The following DSCAML1 variants were observed in gnomAD, a reference collection of about 807,000 sequenced individuals.
DSCAML1 encodes DS cell adhesion molecule like 1, also known as cell adhesion molecule DSCAML1.
Under a neutral mutation model 200.5 loss-of-function variants are expected in DSCAML1, and 38 were observed. The observed-to-expected ratio is 0.19, with a 90% CI of 0.15 to 0.25. DSCAML1 has a LOEUF of 0.25. Among genes scored for constraint, DSCAML1 ranks in the 10% least tolerant of loss-of-function variants. The probability of loss-of-function intolerance (pLI) is 1.00; values close to 1 mark genes in which losing one functional copy is unlikely to be tolerated. For missense variants in DSCAML1, 2,223 were observed against 2,858.8 expected (o/e 0.78, Z 5.07); for synonymous variants, 1,215 against 1,165.0 (o/e 1.04, Z -0.87).
chr11:117,529,877 G>A (rs919063906), intron 4 of DSCAML1, among the ~76,000 whole-genome samples: 6 of 152,008 alleles, frequency 3.9e-5, no homozygotes, highest in African/African-American at 1.5e-4. Flanking sequence ...CAACCCCCTC[G>A]GCACTGCTTG....
At chr11:117,451,138 C>G (rs2048274561) in intron 19 of DSCAML1, among the ~76,000 whole-genome samples, 1 of 152,168 alleles carries the variant, frequency 6.6e-6, no homozygotes, top group Admixed American at 6.5e-5. Flanking sequence ...TGTTTTCTGG[C>G]ATGAGCCCAG....
chr11:117,803,418 TG>T (rs1437491082), intron 1 of DSCAML1, among the ~76,000 whole-genome samples: 1 of 152,258 alleles, frequency 6.6e-6, no homozygotes, highest in Non-Finnish European at 1.5e-5. Flanking sequence ...TTATGTTATC[TG>T]TCTGGATTTC....
chr11:117,733,590 G>A (rs899620487), intron 3 of DSCAML1, among the ~76,000 whole-genome samples: 3 of 152,212 alleles, frequency 2.0e-5, no homozygotes, highest in Admixed American at 6.5e-5. Flanking sequence ...CCCTCGACAC[G>A]GCAAGGAAGG....
At chr11:117,794,716 T>A (rs1685564116) in intron 1 of DSCAML1, among the ~76,000 whole-genome samples, 1 of 151,990 alleles carries the variant, frequency 6.6e-6, no homozygotes, top group African/African-American at 2.4e-5. Flanking sequence ...TCTTTCTTGC[T>A]GTCTCCGCAT....
At chr11:117,758,372 A>G (rs997048556) in intron 3 of DSCAML1, among the ~76,000 whole-genome samples, 4 of 151,120 alleles carry the variant, frequency 2.6e-5, no homozygotes, top group Non-Finnish European at 5.9e-5. Flanking sequence ...GGTTGTAAAT[A>G]ACATTGCAGT....
chr11:117,748,344 C>T (rs1221719840), intron 3 of DSCAML1, among the ~76,000 whole-genome samples: 3 of 152,204 alleles, frequency 2.0e-5, no homozygotes, highest in Non-Finnish European at 2.9e-5. Context: ...TTGTACTCCC[C>T]GTCATTTTTA....
chr11:117,716,562 G>A (rs1482239426), intron 3 of DSCAML1, among the ~76,000 whole-genome samples: 1 of 151,186 alleles, frequency 6.6e-6, no homozygotes, highest in Non-Finnish European at 1.5e-5. Flanking sequence ...AGAGAGGGGA[G>A]GGTAGTCCAG....
At chr11:117,479,968 A>G (rs993496698) in intron 14 of DSCAML1, among the ~76,000 whole-genome samples, 13 of 152,138 alleles carry the variant, frequency 8.5e-5, no homozygotes, top group Non-Finnish European at 1.8e-4. Flanking sequence ...CTTAGAGGAA[A>G]TATAGGTCCA....
intron 3 of DSCAML1, among the ~76,000 whole-genome samples, chr11:117,638,851 A>C (rs2052342961): frequency 6.6e-6 from 1 of 152,196 alleles, no homozygotes; most frequent in Non-Finnish European, 1.5e-5. Flanking sequence ...TCCATGCATA[A>C]GTTTTTGCGT....
At chr11:117,452,959 C>G (rs1166015545) in intron 19 of DSCAML1, among the ~76,000 whole-genome samples, 1 of 152,140 alleles carries the variant, frequency 6.6e-6, no homozygotes, top group African/African-American at 2.4e-5. Context: ...GAGACAGACT[C>G]TCACTCTGTT....
chr11:117,499,755 A>T (rs1745940987), intron 11 of DSCAML1, among the ~76,000 whole-genome samples: 1 of 152,110 alleles, frequency 6.6e-6, no homozygotes, highest in Non-Finnish European at 1.5e-5. Context: ...CTCAGGGAGG[A>T]GTGGGGACCA....
intron 3 of DSCAML1, among the ~76,000 whole-genome samples, chr11:117,739,332 G>A (rs1348701611): frequency 1.3e-5 from 2 of 152,174 alleles, no homozygotes; most frequent in Non-Finnish European, 2.9e-5. Context: ...GCAAATTCTT[G>A]GACTCCATCT....
chr11:117,697,099 A>G (rs906086819), intron 3 of DSCAML1, among the ~76,000 whole-genome samples: 5 of 152,186 alleles, frequency 3.3e-5, no homozygotes, highest in South Asian at 2.1e-4. Flanking sequence ...CGTTTTATCA[A>G]TAAGGGAACC....
Position 117,439,936 on chromosome 11 carries a change from G to C in DSCAML1, c.3863C>G (p.Ala1288Gly). Reference sequence around the variant, plus strand: ...CCCAAAGGAGATGATCTTTGCTGGGGCTACAGGGAGGAGAGGATGAGGGCC... The same window carrying C: ...CCCAAAGGAGATGATCTTTGCTGGGCCTACAGGGAGGAGAGGATGAGGGCC... ...EKVTIEPAGK[A>G]PAKIISFGGT... The change falls in exon 22 of 33, where the codon GCC (alanine) becomes GGC (glycine). Residue 1288 changes from alanine to glycine, a missense_variant and splice_region_variant. Ala to Gly is a moderately conservative substitution (Grantham distance 60, BLOSUM62 0). Coordinates refer to ENST00000651296, the MANE Select transcript of DSCAML1 (RefSeq NM_020693.4). The C allele has an allele frequency of 1.9e-6, 3 of 1,613,508 alleles. No individual in the cohort carries two copies. The highest frequency in any genetic ancestry group is 2.5e-6 in the Non-Finnish European group (3 of 1,179,540).
intron 8 of DSCAML1, among the ~76,000 whole-genome samples, chr11:117,512,024 G>A (rs1201914389): frequency 6.6e-6 from 1 of 152,236 alleles, no homozygotes; most frequent in Non-Finnish European, 1.5e-5. Flanking sequence ...CAGAAGGAAT[G>A]GAGTCAGCAG....
chr11:117,604,894 G>T (rs999607525), intron 3 of DSCAML1, among the ~76,000 whole-genome samples: 4 of 152,226 alleles, frequency 2.6e-5, no homozygotes, highest in Non-Finnish European at 1.5e-5. Context: ...ATGTGAGACA[G>T]GTGCTCTGGG....
At chr11:117,627,307 G>A (rs934930668) in intron 3 of DSCAML1, among the ~76,000 whole-genome samples, 11 of 152,062 alleles carry the variant, frequency 7.2e-5, no homozygotes, top group Non-Finnish European at 1.3e-4. Flanking sequence ...CCTCCTAGAC[G>A]TTATTCTCCT....
chr11:117,442,342 G>GTGTGTA (rs1373184724), intron 21 of DSCAML1, among the ~76,000 whole-genome samples: 6 of 151,900 alleles, frequency 3.9e-5, no homozygotes, highest in Non-Finnish European at 7.4e-5. Context: ...TAGTGTGTAT[G>GTGTGTA]TGTGTGCATG....
At chr11:117,465,550 T>C (rs1435196831) in intron 16 of DSCAML1, among the ~76,000 whole-genome samples, 1 of 152,216 alleles carries the variant, frequency 6.6e-6, no homozygotes, top group East Asian at 1.9e-4. Context: ...CTGGCACTCC[T>C]TATTTTTCTT....
Sources: allele counts gnomAD v4.1 joint callset (sites outside exome capture counted in the v4.1 genomes callset), GRCh38; gene constraint gnomAD v4.1.1; transcripts MANE v1.5; gene names NCBI Gene and HGNC (gene_info 2026-07-23, HGNC 2026-07-21).